The following ADAMTS20 variants were observed in gnomAD, a reference collection of about 807,000 sequenced individuals.
ADAMTS20 encodes ADAM metallopeptidase with thrombospondin type 1 motif 20, also known as A disintegrin and metalloproteinase with thrombospondin motifs 20.
In ADAMTS20, 225 loss-of-function variants were observed where a neutral mutation model predicts 260.1. That is an observed-to-expected ratio of 0.87 (90% confidence interval 0.78 to 0.97). The LOEUF (loss-of-function observed/expected upper bound fraction) is 0.97. Ranked by LOEUF, ADAMTS20 falls within the 50% of genes least tolerant of loss-of-function variation. The pLI is 0.00. For missense variants in ADAMTS20, 2,400 were observed against 2,337.7 expected (o/e 1.03, Z -0.55); for synonymous variants, 802 against 769.5 (o/e 1.04, Z -0.70).
chr12:43,523,467 G>A (rs890902534), intron 3 of ADAMTS20, among the ~76,000 whole-genome samples: 3 of 152,096 alleles, frequency 2.0e-5, no homozygotes, highest in African/African-American at 7.2e-5. Context: ...GGTGGGGGTG[G>A]GGGGCAAGTG....
chr12:43,390,640 G>A (rs1373440030), intron 29 of ADAMTS20, among the ~76,000 whole-genome samples: 2 of 152,044 alleles, frequency 1.3e-5, no homozygotes, highest in Non-Finnish European at 2.9e-5. Flanking sequence ...TTTTTTGTTT[G>A]TTTTTTGCCA....
chr12:43,511,145 C>T (rs1311788108), intron 3 of ADAMTS20, among the ~76,000 whole-genome samples: 1 of 152,044 alleles, frequency 6.6e-6, no homozygotes, highest in Non-Finnish European at 1.5e-5. Context: ...CCTCCAAACT[C>T]ATTCAGGTCC....
At chr12:43,360,611 A>G (rs1026183454) in intron 37 of ADAMTS20, among the ~76,000 whole-genome samples, 6 of 152,314 alleles carry the variant, frequency 3.9e-5, no homozygotes, top group African/African-American at 1.4e-4. Context: ...TAAAGAAGAC[A>G]TAACACATAA....
At chr12:43,540,639 TA>T (rs34768513) in intron 2 of ADAMTS20, among the ~76,000 whole-genome samples, 140,742 of 151,616 alleles carry the variant, frequency 0.93, 65,735 homozygotes, top group East Asian at 0.98. Context: ...TTAGCAGACT[TA>T]AAAAAAAAAC....
At chr12:43,381,039 T>C (rs1335626672) in intron 31 of ADAMTS20, among the ~76,000 whole-genome samples, 2 of 152,172 alleles carry the variant, frequency 1.3e-5, no homozygotes, top group Non-Finnish European at 2.9e-5. Context: ...TTGATAGGCA[T>C]ATAGATCAAG....
At chr12:43,384,658 A>G (rs576331747) in intron 29 of ADAMTS20, among the ~76,000 whole-genome samples, 1 of 152,064 alleles carries the variant, frequency 6.6e-6, no homozygotes, top group South Asian at 2.1e-4. Context: ...CCATGTGTCC[A>G]TGTGTTCTCA....
rs141801812 is a variant in ADAMTS20 at position 43,440,709 on chromosome 12, A to G, written c.2291-640T>C. Among the ~76,000 whole-genome samples the G allele has an allele frequency of 3.3e-4, 51 of 152,346 alleles. 1 individual carries two copies. The highest frequency in any genetic ancestry group is 6.5e-4 in the Non-Finnish European group (44 of 68,026). On this transcript the variant is annotated intron_variant, in intron 16 of 38. Coordinates refer to ENST00000389420, the MANE Select transcript of ADAMTS20 (RefSeq NM_025003.5). ...AAGTCATGACCCCAGCAGACAGATT[A>G]GTTCAATCATCCTGGTCATCAATGG...
In ADAMTS20 at chr12:43,443,820, T is replaced by C; in HGVS notation, c.2261A>G (p.Tyr754Cys). Reference protein sequence around the residue: ...ATNVDIRQYSYSGQPDDSYLA... With the variant: ...ATNVDIRQYSCSGQPDDSYLA... ...GTAACTGTCATCTGGTTGTCCAGAA[T>C]AGCTGTACTGACGAATGTCAACGTT... The change falls in exon 16 of 39, where the codon TAT becomes TGT. Residue 754 changes from tyrosine (Y) to cysteine (C), a missense_variant. Tyr to Cys is a radical substitution (Grantham distance 194, BLOSUM62 -2). Transcript: ENST00000389420. The C allele has an allele frequency of 1.9e-6, 3 of 1,613,130 alleles. No individual in the cohort carries two copies. Among genetic ancestry groups the C allele is most frequent in the Non-Finnish European group, 2.5e-6 (3 of 1,179,280 alleles).
intron 2 of ADAMTS20, among the ~76,000 whole-genome samples, chr12:43,546,518 C>G (rs1943442552): frequency 6.6e-6 from 1 of 152,142 alleles, no homozygotes. Context: ...TTGTCAGAAA[C>G]AGCCTGTGTA....
At chr12:43,509,748 G>T (rs1273765328) in intron 3 of ADAMTS20, among the ~76,000 whole-genome samples, 2 of 151,912 alleles carry the variant, frequency 1.3e-5, no homozygotes, top group African/African-American at 4.8e-5. Flanking sequence ...TGTTATCCAG[G>T]TCTTATATAT....
At chr12:43,374,987 A>G (rs1202606536) in intron 36 of ADAMTS20, among the ~76,000 whole-genome samples, 1 of 152,146 alleles carries the variant, frequency 6.6e-6, no homozygotes, top group Non-Finnish European at 1.5e-5. Context: ...CCTGACCAAT[A>G]TGGTGAAACC....
rs1941461027 is a variant in ADAMTS20, at chr12:43,432,342, A to C, written c.3058T>G (p.Phe1020Val). Residue 1020 changes from phenylalanine (F) to valine (V), a missense_variant, in exon 21 of 39, where the codon TTT becomes GTT. Transcript: ENST00000389420. ...SRVTRENCNE[F>V]SCPSWAASEW... ...CTAGCAGCCCAACTGGGACAGGAAA[A>C]TTCATTGCAATTCTCTCTCGTCACT... is the stretch of plus-strand genomic sequence containing the variant. The C allele has an allele frequency of 6.2e-7, 1 of 1,613,952 alleles. No individual in the cohort carries two copies. Among genetic ancestry groups the C allele is most frequent in the Non-Finnish European group, 8.5e-7 (1 of 1,179,870 alleles).
intron 14 of ADAMTS20, among the ~76,000 whole-genome samples, chr12:43,451,304 C>G (rs1783322665): frequency 6.6e-6 from 1 of 152,164 alleles, no homozygotes; most frequent in South Asian, 2.1e-4. Flanking sequence ...GCCATCCATT[C>G]TCAAGACTGC....
At chr12:43,468,751 CA>C in intron 7 of ADAMTS20, 46 bp from the exon 8 acceptor site, 3 of 1,111,874 alleles carry the variant, frequency 2.7e-6, no homozygotes, top group Non-Finnish European at 4.0e-6. Context: ...AAAACACTAC[CA>C]AAATCATAAA....
chr12:43,520,362 G>A (rs1014146469), intron 3 of ADAMTS20, among the ~76,000 whole-genome samples: 1 of 152,046 alleles, frequency 6.6e-6, no homozygotes, highest in Non-Finnish European at 1.5e-5. Context: ...TTAAAACATA[G>A]TCTAAAATGG....
intron 15 of ADAMTS20, among the ~76,000 whole-genome samples, chr12:43,445,249 A>G (rs977680722): frequency 1.3e-5 from 2 of 152,152 alleles, no homozygotes; most frequent in Non-Finnish European, 2.9e-5. Flanking sequence ...TACATATTTG[A>G]TCTTAATTTG....
chr12:43,530,552 A>G (rs901451337), intron 3 of ADAMTS20, among the ~76,000 whole-genome samples: 14 of 152,182 alleles, frequency 9.2e-5, no homozygotes, highest in Non-Finnish European at 2.9e-5. Context: ...AGGCCTACAT[A>G]TCATTATATC....
intron 31 of ADAMTS20, among the ~76,000 whole-genome samples, chr12:43,382,210 C>T (rs1228528763): frequency 6.6e-6 from 1 of 152,002 alleles, no homozygotes; most frequent in Non-Finnish European, 1.5e-5. Flanking sequence ...ATTATTGAAA[C>T]GTCAAAATTG....
chr12:43,543,146 T>TA, intron 2 of ADAMTS20, among the ~76,000 whole-genome samples: 1 of 151,750 alleles, frequency 6.6e-6, no homozygotes, highest in East Asian at 1.9e-4. Context: ...CTGAAAATTT[T>TA]AAAAAAGAAA....
Sources: gnomAD v4.1 joint callset for allele counts (sites outside exome capture counted in the v4.1 genomes callset) on GRCh38, gnomAD v4.1.1 for gene constraint, MANE v1.5 for transcripts, NCBI Gene and HGNC (gene_info 2026-07-23, HGNC 2026-07-21) for gene names.